Variants in LCMT1 observed in about 807,000 individuals in gnomAD.
LCMT1 encodes the protein [Phosphatase 2A protein]-leucine-carboxy methyltransferase 1.
A neutral mutation model predicts 47.7 loss-of-function variants in LCMT1; 32 were observed. The observed-to-expected ratio is 0.67, with a 90% CI of 0.51 to 0.90. The LOEUF (loss-of-function observed/expected upper bound fraction) is 0.90. Among genes scored for constraint, LCMT1 ranks in the 40% least tolerant of loss-of-function variants. The probability of loss-of-function intolerance (pLI) is 0.00; values close to 1 mark genes in which losing one functional copy is unlikely to be tolerated. For synonymous variants in LCMT1, 152 were observed against 149.7 expected (o/e 1.02, Z -0.11); for missense variants, 375 against 415.2 (o/e 0.90, Z 0.84).
At chr16:25,113,140 CAAA>C (rs59940814) in intron 1 of LCMT1, among the ~76,000 whole-genome samples, 11 of 109,058 alleles carry the variant, frequency 1.0e-4, no homozygotes, top group East Asian at 5.2e-4. Flanking sequence ...GACTATGTCT[CAAA>C]AAAAAAAAAA....
At chr16:25,119,830 A>C (rs1959911850) in intron 1 of LCMT1, among the ~76,000 whole-genome samples, 1 of 152,074 alleles carries the variant, frequency 6.6e-6, no homozygotes, top group Non-Finnish European at 1.5e-5. Flanking sequence ...GCCACTTCAG[A>C]GCTAGAACAT....
chr16:25,114,832 C>T (rs775919158), intron 1 of LCMT1, among the ~76,000 whole-genome samples: 12 of 152,144 alleles, frequency 7.9e-5, no homozygotes, highest in East Asian at 3.9e-4. Context: ...GTGTCTCCCG[C>T]GTCTCATTCC....
intron 2 of LCMT1, among the ~76,000 whole-genome samples, chr16:25,130,389 C>T (rs970673722): frequency 6.6e-6 from 1 of 150,904 alleles, no homozygotes; most frequent in Non-Finnish European, 1.5e-5. Flanking sequence ...CGGTGGCTCA[C>T]GTCTGTAATC....
intron 4 of LCMT1, among the ~76,000 whole-genome samples, 184 bp from the exon 5 acceptor site, chr16:25,151,370 T>G (rs1213964285): frequency 6.6e-6 from 1 of 152,240 alleles, no homozygotes; most frequent in African/African-American, 2.4e-5. Flanking sequence ...AGTTTTACCG[T>G]ATGTGCTTAG....
intron 4 of LCMT1, chr16:25,145,506 C>T (rs1320827946): frequency 6.6e-6 from 1 of 152,110 alleles, no homozygotes; most frequent in Non-Finnish European, 1.5e-5. Context: ...GAGGGCTACA[C>T]AAAAGAAAGC....
chr16:25,139,507 C>A (rs1325698359), intron 3 of LCMT1, among the ~76,000 whole-genome samples: 1 of 151,010 alleles, frequency 6.6e-6, no homozygotes, highest in Non-Finnish European at 1.5e-5. Flanking sequence ...GAGACTCCGT[C>A]TCAAAAAAAG....
At chr16:25,138,170 G>A (rs547666244) in intron 3 of LCMT1, among the ~76,000 whole-genome samples, 2 of 152,194 alleles carry the variant, frequency 1.3e-5, no homozygotes, top group East Asian at 1.9e-4. Context: ...TAAGTGGAGA[G>A]GGGGAGAGGC....
intron 1 of LCMT1, among the ~76,000 whole-genome samples, chr16:25,112,730 G>A (rs1289078666): frequency 6.6e-6 from 1 of 152,074 alleles, no homozygotes; most frequent in Non-Finnish European, 1.5e-5. Flanking sequence ...CAGCTTTGTT[G>A]GAAAAGAGAG....
At chr16:25,160,730 T>C (rs768869710) in intron 5 of LCMT1, 2 of 521,350 alleles carry the variant, frequency 3.8e-6, no homozygotes, top group Admixed American at 1.9e-5. Flanking sequence ...GAAATCATTA[T>C]ACAGAAGGAT....
chr16:25,156,964 T>A (rs1337423915), intron 5 of LCMT1, among the ~76,000 whole-genome samples: 1 of 150,608 alleles, frequency 6.6e-6, no homozygotes, highest in Non-Finnish European at 1.5e-5. Context: ...TTTTTTTAAT[T>A]GAAGGATCCT....
chr16:25,141,971 CAT>C (rs1394416369), intron 4 of LCMT1: 4 of 152,270 alleles, frequency 2.6e-5, no homozygotes, highest in East Asian at 1.9e-4. Context: ...GATTTCACCA[CAT>C]GTGTGATATT....
At chr16:25,144,021 C>G (rs928802143) in intron 4 of LCMT1, 5 of 152,216 alleles carry the variant, frequency 3.3e-5, no homozygotes, top group African/African-American at 1.2e-4. Context: ...TTGCTGGATT[C>G]CTATAACCAG....
At chr16:25,114,778 C>A (rs1033125949) in intron 1 of LCMT1, among the ~76,000 whole-genome samples, 2 of 152,162 alleles carry the variant, frequency 1.3e-5, no homozygotes, top group African/African-American at 4.8e-5. Flanking sequence ...TTCTCATGCC[C>A]TGTGTATCTC....
intron 1 of LCMT1, among the ~76,000 whole-genome samples, chr16:25,114,176 G>T (rs995095318): frequency 2.6e-5 from 4 of 152,232 alleles, no homozygotes; most frequent in African/African-American, 9.6e-5. Context: ...TAAAAAGCCA[G>T]TCAGCCTTCT....
At position 25,122,988 on chromosome 16, in the gene LCMT1, TCTTTAC is replaced by T. The variant is rs200956934; in HGVS notation, c.114-5481_114-5476del. On this transcript the variant is annotated intron_variant, in intron 1 of 10. Transcript: ENST00000399069. ...ATCTTTGTGATGCAGAATCTGACAA[TCTTTAC>T]CTTTATAGGTTGGGAGTTTTGGGCA... Among the ~76,000 whole-genome samples the T allele has an allele frequency of 2.7e-3, 418 of 152,242 alleles. 8 individuals carry two copies. Among genetic ancestry groups the T allele is most frequent in the Admixed American group, 0.024 (372 of 15,290 alleles).
At chr16:25,148,493 G>A (rs1960946570) in intron 4 of LCMT1, among the ~76,000 whole-genome samples, 1 of 152,156 alleles carries the variant, frequency 6.6e-6, no homozygotes, top group African/African-American at 2.4e-5. Context: ...CAACTATTGG[G>A]TCTGAAGCCA....
chr16:25,163,122 A>G (rs552707224), intron 6 of LCMT1, among the ~76,000 whole-genome samples: 1 of 152,340 alleles, frequency 6.6e-6, no homozygotes, highest in African/African-American at 2.4e-5. Context: ...TTCGCCTCCC[A>G]AAGTGTTGGA....
At position 25,164,610 on chromosome 16, in the gene LCMT1, C is replaced by G. The variant is rs994216915; in HGVS notation, c.582C>G (p.Leu194=). The G allele has an allele frequency of 2.5e-6, 4 of 1,613,864 alleles. No homozygotes were observed. Among genetic ancestry groups the G allele is most frequent in the Admixed American group, 1.7e-5 (1 of 59,994 alleles). The change falls in exon 7 of 11, where the codon CTC becomes CTG. Residue 194 remains leucine, a synonymous_variant. Coordinates refer to ENST00000399069, the MANE Select transcript of LCMT1 (RefSeq NM_016309.3). ...CCTTATCTTTAAGATTGCCAACACT[C>G]CTGATAGCTGAATGTGTGCTGGTTT... ...KCNMNTQLPT[L]LIAECVLVYM...
chr16:25,171,771 A>C (rs1394139314), intron 9 of LCMT1, among the ~76,000 whole-genome samples: 5 of 152,250 alleles, frequency 3.3e-5, no homozygotes. Flanking sequence ...TCTAAAGTGC[A>C]TGAAGTATAA....
Sources: gnomAD v4.1 joint callset for allele counts (sites outside exome capture counted in the v4.1 genomes callset) on GRCh38, gnomAD v4.1.1 for gene constraint, MANE v1.5 for transcripts, NCBI Gene and HGNC (gene_info 2026-07-23, HGNC 2026-07-21) for gene names.